Variants in ITGAE observed in about 807,000 individuals in gnomAD.
ITGAE encodes integrin subunit alpha E, also known as integrin alpha-E.
ITGAE carries 99 observed loss-of-function variants against 136.5 expected under a neutral mutation model. The observed-to-expected ratio is 0.73, with a 90% CI of 0.62 to 0.86. The LOEUF (loss-of-function observed/expected upper bound fraction) is 0.86. Ranked by LOEUF, ITGAE falls within the 40% of genes least tolerant of loss-of-function variation. The probability of loss-of-function intolerance (pLI) is 0.00; values close to 1 mark genes in which losing one functional copy is unlikely to be tolerated. For synonymous variants in ITGAE, 613 were observed against 591.8 expected, an observed-to-expected ratio of 1.04 and a Z score of -0.52; for missense variants, 1,447 against 1,515.3, an observed-to-expected ratio of 0.95 and a Z score of 0.75.
At position 3,777,650 on chromosome 17, in the gene ITGAE, C is replaced by G. The variant is rs562605173; in HGVS notation, c.45G>C (p.Leu15=). 3 of 1,612,666 alleles carry G rather than the reference C, an allele frequency of 1.9e-6. No homozygotes were observed. The highest frequency in any genetic ancestry group is 2.7e-5 in the African/African-American group (2 of 74,900). ...CCACATCCACATTGAAAGCGGCCAG[C>G]AGGGCCAGGCCTGTAGGGAAAAGAG... ...HTLLCIASLA[L]LAAFNVDVAR... is the part of the protein sequence containing the mutation. Residue 15 remains leucine, a synonymous_variant, in exon 2 of 31, where the codon CTG becomes CTC. Coordinates refer to ENST00000263087, the MANE Select transcript of ITGAE (RefSeq NM_002208.5).
chr17:3,717,582 G>A (rs2050966911), intron 29 of ITGAE: 1 of 152,228 alleles, frequency 6.6e-6, no homozygotes, highest in Non-Finnish European at 1.5e-5. Context: ...TGGGGCCAGA[G>A]AGCCAACAAG....
intron 1 of ITGAE, among the ~76,000 whole-genome samples, chr17:3,790,733 C>G (rs1179522384): frequency 6.6e-6 from 1 of 152,178 alleles, no homozygotes; most frequent in Non-Finnish European, 1.5e-5. Flanking sequence ...TGACCAAACT[C>G]TGCCATAAAT....
Position 3,723,277 on chromosome 17 carries a change from GT to G in ITGAE, c.3237+10del, listed in dbSNP as rs1341552548. On this transcript the variant is annotated intron_variant, in intron 28 of 30. Transcript: ENST00000263087. ...GGATAATCAAATCTGGAGCATTTCA[GT>G]CTCAAACACCTCCTCAGAGTGATCC... The G allele has an allele frequency of 6.3e-7, 1 of 1,577,640 alleles. No homozygotes were observed. The highest frequency in any genetic ancestry group is 8.7e-7 in the Non-Finnish European group (1 of 1,146,844).
chr17:3,775,480 G>A (rs939366697), intron 2 of ITGAE, among the ~76,000 whole-genome samples: 1 of 151,950 alleles, frequency 6.6e-6, no homozygotes, highest in African/African-American at 2.4e-5. Flanking sequence ...CTTTTTCTGA[G>A]ACAGAGTCTC....
At chr17:3,748,120 G>C in intron 16 of ITGAE, 68 bp from the exon 17 acceptor site, 1 of 1,509,252 alleles carries the variant, frequency 6.6e-7, no homozygotes, top group Non-Finnish European at 9.0e-7. Context: ...CTGGCTGATT[G>C]GTTCATGCAT....
chr17:3,797,293 G>C (rs1004490637), intron 1 of ITGAE, among the ~76,000 whole-genome samples: 1 of 150,006 alleles, frequency 6.7e-6, no homozygotes, highest in Non-Finnish European at 1.5e-5. Context: ...AGCCTCCCGA[G>C]TAGCTGGGAC....
chr17:3,736,083 C>T lies in ITGAE; in HGVS notation c.2523-1134G>A, dbSNP rs528502383. Reference sequence around the variant, plus strand: ...GCTTGAACCCGGTAGGGGGAGTTTGCAGAGGGCTGAGATCACGCCACTATA... The same window carrying T: ...GCTTGAACCCGGTAGGGGGAGTTTGTAGAGGGCTGAGATCACGCCACTATA... On this transcript the variant is annotated intron_variant, in intron 20 of 30. Transcript: ENST00000263087. Among the ~76,000 whole-genome samples the T allele has an allele frequency of 1.9e-4, 29 of 152,076 alleles. No homozygotes were observed. The East Asian group carries it at 5.6e-3, about 29-fold the overall frequency.
chr17:3,732,655 A>G (rs1417409205), intron 21 of ITGAE, among the ~76,000 whole-genome samples, 189 bp from the exon 22 acceptor site: 1 of 152,104 alleles, frequency 6.6e-6, no homozygotes, highest in Non-Finnish European at 1.5e-5. Context: ...GGTCAGCAGT[A>G]GATCCCCGAG....
rs777850691 is a variant in ITGAE at position 3,734,934 on chromosome 17, C to T, written c.2538G>A (p.Val846=). 1.9e-6 allele frequency: 3 copies of T among 1,614,070 alleles called. No homozygotes were observed. Among genetic ancestry groups the T allele is most frequent in the African/African-American group, 2.7e-5 (2 of 74,928 alleles). ...TCAGGGTCAGCTCCTTTGTGAGACC[C>T]ACCACCAACTCCTGCCTGCACAGGG... ...ATTVSQQELV[V]GLTKELTLNI... The change falls in exon 21 of 31, where the codon GTG becomes GTA. Residue 846 remains valine, a synonymous_variant. Coordinates refer to ENST00000263087, the MANE Select transcript of ITGAE (RefSeq NM_002208.5).
rs1205367157 is a variant in ITGAE, at chr17:3,755,168, G to A, written c.1333C>T (p.Gln445Ter). ...TRSRRGRFLN[Q>*]TAAAAADAEA... ...GCGTCTGCCGCCGCCGCCGCTGTCT[G>A]GTTCAGGAAGCGGCCCCGGCGGCTG... The change falls in exon 12 of 31, where the codon CAG becomes TAG. Residue 445 changes from glutamine (Q) to a stop codon, truncating the protein, a stop_gained. Coordinates refer to ENST00000263087, the MANE Select transcript of ITGAE (RefSeq NM_002208.5). LOFTEE classifies it high-confidence loss of function. The A allele has an allele frequency of 1.3e-6, 2 of 1,540,198 alleles. No individual in the cohort carries two copies. The highest frequency in any genetic ancestry group is 1.8e-6 in the Non-Finnish European group (2 of 1,138,742).
chr17:3,716,852 A>C, intron 29 of ITGAE, 54 bp from the exon 30 acceptor site: 1 of 985,408 alleles, frequency 1.0e-6, no homozygotes, highest in Non-Finnish European at 1.6e-6. Context: ...ACAAGGAAAA[A>C]ATCCTACATG....
Position 3,723,681 on chromosome 17 carries a change from C to T in ITGAE, c.3141+7G>A. On this transcript the variant is annotated splice_region_variant and intron_variant, in intron 27 of 30. Coordinates refer to ENST00000263087, the MANE Select transcript of ITGAE (RefSeq NM_002208.5). Reference sequence around the variant, plus strand: ...CTCCCCTGGCCTCTCGGGACGGCCGCGCTTACCTGAACCGAACTGTACGCA... The same window carrying T: ...CTCCCCTGGCCTCTCGGGACGGCCGTGCTTACCTGAACCGAACTGTACGCA... 1 of 1,588,166 alleles carries T rather than the reference C, an allele frequency of 6.3e-7. No individual in the cohort carries two copies. The highest frequency in any genetic ancestry group is 8.6e-7 in the Non-Finnish European group (1 of 1,166,714).
At chr17:3,764,807 C>G (rs1470319398) in intron 2 of ITGAE, among the ~76,000 whole-genome samples, 1 of 152,206 alleles carries the variant, frequency 6.6e-6, no homozygotes, top group African/African-American at 2.4e-5. Context: ...TGCCCCCACC[C>G]AGGCCCAGTC....
intron 1 of ITGAE, among the ~76,000 whole-genome samples, chr17:3,797,389 T>G (rs577679062): frequency 6.7e-6 from 1 of 149,986 alleles, no homozygotes; most frequent in African/African-American, 2.5e-5. Context: ...ATGGTCTCGA[T>G]CTCCTGACCT....
At chr17:3,746,651 C>G (rs866232086) in intron 17 of ITGAE, among the ~76,000 whole-genome samples, 3 of 151,728 alleles carry the variant, frequency 2.0e-5, no homozygotes, top group Non-Finnish European at 2.9e-5. Context: ...GTGGAGACGG[C>G]GTTTCACCAT....
In ITGAE at chr17:3,720,386, GT is replaced by G; in HGVS notation, c.3253del (p.Thr1085LeufsTer19). On this transcript the variant is annotated frameshift_variant, in exon 29 of 31. Coordinates refer to ENST00000263087, the MANE Select transcript of ITGAE (RefSeq NM_002208.5). LOFTEE classifies it high-confidence loss of function. ...DHSEELLKDVTELQILGEISF... is the reference protein window; with the variant it reads ...DHSEELLKDVXELQILGEISF... ...TATTTCACCAAGGATCTGCAGTTCA[GT>G]TACATCTTTTAGTAACTAGAAGATG... The G allele has an allele frequency of 6.5e-7, 1 of 1,538,042 alleles. No individual in the cohort carries two copies. Among genetic ancestry groups the G allele is most frequent in the Non-Finnish European group, 9.0e-7 (1 of 1,110,924 alleles).
chr17:3,754,177 G>A (rs1567534693), intron 12 of ITGAE, among the ~76,000 whole-genome samples: 1 of 152,120 alleles, frequency 6.6e-6, no homozygotes, highest in East Asian at 1.9e-4. Flanking sequence ...CGAAATACTC[G>A]TTCGCACACA....
chr17:3,767,786 CTAATTTTGT>C (rs1302139255), intron 2 of ITGAE, among the ~76,000 whole-genome samples: 1 of 152,106 alleles, frequency 6.6e-6, no homozygotes, highest in African/African-American at 2.4e-5. Context: ...CCTTGCCCAG[CTAATTTTGT>C]TAATTTGTCT....
At position 3,777,644 on chromosome 17, in the gene ITGAE, G is replaced by A. The variant is rs746883881; in HGVS notation, c.51C>T (p.Ala17=). Residue 17 remains alanine, a synonymous_variant, in exon 2 of 31, where the codon GCC becomes GCT. Coordinates refer to ENST00000263087, the MANE Select transcript of ITGAE (RefSeq NM_002208.5). ...LLCIASLALL[A]AFNVDVARPW... ...GCCGGGCCACATCCACATTGAAAGC[G>A]GCCAGCAGGGCCAGGCCTGTAGGGA... 1.2e-5 allele frequency: 19 copies of A among 1,613,000 alleles called. No homozygotes were observed. The highest frequency in any genetic ancestry group is 1.6e-4 in the Middle Eastern group (1 of 6,078).
Sources: allele counts gnomAD v4.1 joint callset (sites outside exome capture counted in the v4.1 genomes callset), GRCh38; gene constraint gnomAD v4.1.1; transcripts MANE v1.5; gene names NCBI Gene and HGNC (gene_info 2026-07-23, HGNC 2026-07-21).